GABRG3: variants seen among roughly 807,000 people sequenced by gnomAD.
GABRG3 encodes gamma-aminobutyric acid receptor subunit gamma-3.
In GABRG3, 25 loss-of-function variants were observed where a neutral mutation model predicts 48.8. The observed-to-expected ratio is 0.51, with a 90% CI of 0.37 to 0.72. The LOEUF (loss-of-function observed/expected upper bound fraction) is 0.72, where lower values mean the gene tolerates loss of function less well. Among genes scored for constraint, GABRG3 ranks in the 30% least tolerant of loss-of-function variants. The pLI is 0.00. For synonymous variants in GABRG3, 227 were observed against 217.6 expected (o/e 1.04, Z -0.38); for missense variants, 394 against 577.9 (o/e 0.68, Z 3.26).
chr15:27,082,980 CA>C (rs1204679643), intron 3 of GABRG3, among the ~76,000 whole-genome samples: 1 of 152,200 alleles, frequency 6.6e-6, no homozygotes, highest in Non-Finnish European at 1.5e-5. Flanking sequence ...CTCCGTTAAC[CA>C]TTTATCTTGT....
intron 3 of GABRG3, among the ~76,000 whole-genome samples, chr15:27,322,167 T>C (rs1322839529): frequency 6.6e-6 from 1 of 152,260 alleles, no homozygotes; most frequent in Non-Finnish European, 1.5e-5. Context: ...TAAAAATATT[T>C]CTATGTGGGT....
chr15:27,239,297 T>C (rs777498884), intron 3 of GABRG3, among the ~76,000 whole-genome samples: 9 of 152,206 alleles, frequency 5.9e-5, no homozygotes, highest in Non-Finnish European at 1.2e-4. Context: ...CTTTTTTTGT[T>C]ATGAGGCATA....
chr15:27,219,885 GT>G (rs1889395647), intron 3 of GABRG3, among the ~76,000 whole-genome samples: 1 of 152,190 alleles, frequency 6.6e-6, no homozygotes, highest in African/African-American at 2.4e-5. Context: ...TTGTGCAACT[GT>G]TTTTCATAAG....
intron 3 of GABRG3, among the ~76,000 whole-genome samples, chr15:27,244,121 C>G (rs1192124282): frequency 6.6e-6 from 1 of 152,166 alleles, no homozygotes; most frequent in Non-Finnish European, 1.5e-5. Context: ...AATATAGCTT[C>G]TCCTATCCAC....
intron 3 of GABRG3, among the ~76,000 whole-genome samples, chr15:27,070,455 T>C (rs76464023): frequency 6.6e-6 from 1 of 152,350 alleles, no homozygotes; most frequent in African/African-American, 2.4e-5. Context: ...ACTCCACGTA[T>C]GAGTGAAACT....
chr15:27,431,848 C>T (rs561463142), intron 5 of GABRG3, among the ~76,000 whole-genome samples: 5 of 152,296 alleles, frequency 3.3e-5, no homozygotes, highest in South Asian at 2.1e-4. Context: ...CTTGCATTCA[C>T]GCTCTTGTTT....
chr15:27,461,261 A>G (rs1005130489), intron 5 of GABRG3, among the ~76,000 whole-genome samples: 1 of 152,022 alleles, frequency 6.6e-6, no homozygotes, highest in Non-Finnish European at 1.5e-5. Flanking sequence ...AGCAACCCAC[A>G]TGTGTGCGTT....
At chr15:27,170,992 C>T (rs1372857334) in intron 3 of GABRG3, among the ~76,000 whole-genome samples, 1 of 152,148 alleles carries the variant, frequency 6.6e-6, no homozygotes, top group East Asian at 1.9e-4. Flanking sequence ...TTTTAGCACT[C>T]GCTCTTAGCT....
rs772903811 is a variant in GABRG3, at chr15:26,976,965, G to C, written c.54-37G>C. On this transcript the variant is annotated intron_variant, in intron 1 of 9. Transcript: ENST00000615808. The surrounding 1 kb of genome is among the most constrained non-coding windows in gnomAD (Gnocchi z 7.8). ...TTAGGCTCTTCCTAGAGCCATTGCT[G>C]CCACTTATATGTCGCATTTTTGTGC... 53 of 1,612,652 alleles carry C rather than the reference G, an allele frequency of 3.3e-5. No homozygotes were observed. The highest frequency in any genetic ancestry group is 2.7e-5 in the Non-Finnish European group (32 of 1,179,176).
At chr15:27,128,100 GCCT>G (rs1897852965) in intron 3 of GABRG3, among the ~76,000 whole-genome samples, 1 of 149,040 alleles carries the variant, frequency 6.7e-6, no homozygotes, top group Non-Finnish European at 1.5e-5. Context: ...GGTGGCTCAC[GCCT>G]GTAATCCCAG....
At chr15:27,145,599 C>CTA (rs1898184865) in intron 3 of GABRG3, among the ~76,000 whole-genome samples, 6 of 70,628 alleles carry the variant, frequency 8.5e-5, no homozygotes, top group African/African-American at 1.3e-4. Flanking sequence ...ATACATATAT[C>CTA]TATCTCTATC....
At chr15:27,039,182 C>T (rs1896231455) in intron 3 of GABRG3, among the ~76,000 whole-genome samples, 1 of 152,200 alleles carries the variant, frequency 6.6e-6, no homozygotes, top group Admixed American at 6.5e-5. Context: ...CTGCTGAAGG[C>T]AGGTCAGCAT....
chr15:27,021,196 TAA>T (rs1168856130), intron 2 of GABRG3, among the ~76,000 whole-genome samples: 3 of 152,220 alleles, frequency 2.0e-5, no homozygotes, highest in African/African-American at 7.2e-5. Context: ...TAAAAAAAAT[TAA>T]AAGAGAAAAG....
chr15:27,454,606 C>T (rs1298243433), intron 5 of GABRG3, among the ~76,000 whole-genome samples: 1 of 152,148 alleles, frequency 6.6e-6, no homozygotes, highest in African/African-American at 2.4e-5. Context: ...CCATTTCTTT[C>T]ATGCTGGGAG....
chr15:27,423,587 C>T (rs1054309760), intron 5 of GABRG3, among the ~76,000 whole-genome samples: 2 of 150,850 alleles, frequency 1.3e-5, no homozygotes, highest in Non-Finnish European at 2.9e-5. Context: ...ATTCTGTCGC[C>T]AAAGCTTGAG....
At chr15:27,313,290 A>ATATATATATATATATG (rs1893088337) in intron 3 of GABRG3, among the ~76,000 whole-genome samples, 1 of 112,282 alleles carries the variant, frequency 8.9e-6, no homozygotes, top group East Asian at 3.5e-4. Flanking sequence ...ATATATATAT[A>ATATATATATATATATG]TATATATATA....
At chr15:27,202,879 G>T (rs1038851626) in intron 3 of GABRG3, among the ~76,000 whole-genome samples, 5 of 151,806 alleles carry the variant, frequency 3.3e-5, no homozygotes, top group Admixed American at 1.3e-4. Context: ...AAAATTTTTA[G>T]TTTTTATGTG....
At chr15:27,113,198 C>G (rs998287533) in intron 3 of GABRG3, among the ~76,000 whole-genome samples, 1 of 151,808 alleles carries the variant, frequency 6.6e-6, no homozygotes, top group Non-Finnish European at 1.5e-5. Context: ...TGTCTCTTGA[C>G]TGCAATAATG....
chr15:27,422,265 A>G (rs1030547050), intron 5 of GABRG3: 8 of 152,982 alleles, frequency 5.2e-5, no homozygotes, highest in East Asian at 1.9e-4. Context: ...TGGGCTGCAT[A>G]TCCACCAATA....
Sources: gnomAD v4.1 joint callset for allele counts (sites outside exome capture counted in the v4.1 genomes callset) on GRCh38, gnomAD v4.1.1 for gene constraint, Gnocchi (gnomAD v3.1) non-coding constraint, MANE v1.5 for transcripts, NCBI Gene and HGNC (gene_info 2026-07-23, HGNC 2026-07-21) for gene names.